The following INIP variants were observed in gnomAD, a reference collection of about 807,000 sequenced individuals.
The protein encoded by INIP is INTS3 and NABP interacting protein.
Under a neutral mutation model 14.0 loss-of-function variants are expected in INIP, and 9 were observed. The observed-to-expected ratio is 0.64, with a 90% CI of 0.39 to 1.12. INIP has a LOEUF of 1.12. INIP is among the 50% of genes most tolerant of loss of function. The pLI is 0.01. For synonymous variants in INIP, 37 were observed against 41.5 expected (o/e 0.89, Z 0.41); for missense variants, 78 against 122.7 (o/e 0.64, Z 1.72).
At chr9:112,709,340 C>T (rs978828894) in intron 2 of INIP, among the ~76,000 whole-genome samples, 3 of 152,052 alleles carry the variant, frequency 2.0e-5, no homozygotes, top group African/African-American at 7.2e-5. Context: ...TCAGATCTAT[C>T]ATCAGAATGT....
intron 3 of INIP, among the ~76,000 whole-genome samples, chr9:112,690,510 A>G (rs912442316): frequency 6.6e-6 from 1 of 152,114 alleles, no homozygotes; most frequent in African/African-American, 2.4e-5. Flanking sequence ...CAGAAAGACC[A>G]CTATTGCACT....
At chr9:112,706,113 T>C (rs1207748990) in intron 2 of INIP, among the ~76,000 whole-genome samples, 2 of 152,196 alleles carry the variant, frequency 1.3e-5, no homozygotes, top group Non-Finnish European at 1.5e-5. Context: ...CTCAATGCCA[T>C]TGATCATTAG....
intron 3 of INIP, among the ~76,000 whole-genome samples, chr9:112,690,378 G>A (rs997407290): frequency 4.6e-5 from 7 of 152,126 alleles, no homozygotes; most frequent in African/African-American, 9.7e-5. Context: ...TTCCAGCTAC[G>A]TGGGAGGCTG....
rs1417271725 is a variant in INIP at position 112,715,127 on chromosome 9, CATACAT to C, written c.25+1328_25+1333del. Among the ~76,000 whole-genome samples, 272 of 127,694 alleles carry C rather than the reference CATACAT, an allele frequency of 2.1e-3. 1 individual carries two copies. Among genetic ancestry groups the C allele is most frequent in the African/African-American group, 7.4e-3 (242 of 32,592 alleles). 83.8% of individuals were successfully genotyped at this position (127,694 alleles called of 152,430 possible). A position where few individuals can be genotyped will look rare whatever the true frequency, so the allele number is the denominator to read the frequency against. On this transcript the variant is annotated intron_variant, in intron 2 of 4. Coordinates refer to ENST00000374242, the MANE Select transcript of INIP (RefSeq NM_021218.3). The stretch of plus-strand genomic sequence containing the variant: ...AGATCTTAAAATACACACATACATA[CATACAT>C]ACACACACACACACACACACACACA...
intron 2 of INIP, among the ~76,000 whole-genome samples, chr9:112,705,547 G>C (rs1838433130): frequency 6.6e-6 from 1 of 152,144 alleles, no homozygotes; most frequent in African/African-American, 2.4e-5. Context: ...CTGGGCTCAA[G>C]TGATTCTCCC....
chr9:112,693,912 T>C (rs1837981011), intron 3 of INIP: 2 of 336,954 alleles, frequency 5.9e-6, no homozygotes, highest in Non-Finnish European at 1.1e-5. Context: ...CCATCTCTAC[T>C]AAAAATACAA....
chr9:112,687,233 A>T lies in INIP; in HGVS notation c.*305T>A, dbSNP rs1837706295. 1 of 219,746 alleles carries T rather than the reference A, an allele frequency of 4.6e-6. No individual in the cohort carries two copies. Among genetic ancestry groups the T allele is most frequent in the Non-Finnish European group, 9.0e-6 (1 of 111,100 alleles). The allele number at this position is 219,746 out of a possible 1,614,324, so 13.6% of individuals were successfully genotyped here. ...CTGTGGACATGATATATTCAGTCAA[A>T]CTTGCTAGGAGTTGGGGAATGACTT... On this transcript the variant is annotated 3_prime_UTR_variant, in exon 5 of 5. Coordinates refer to ENST00000374242, the MANE Select transcript of INIP (RefSeq NM_021218.3).
At chr9:112,687,879 A>T (rs1422022185) in intron 4 of INIP, among the ~76,000 whole-genome samples, 1 of 152,046 alleles carries the variant, frequency 6.6e-6, no homozygotes, top group East Asian at 1.9e-4. Context: ...AGGTCAGGAG[A>T]TCGAGACCAT....
intron 2 of INIP, among the ~76,000 whole-genome samples, chr9:112,696,975 T>C (rs1252135414): frequency 6.6e-6 from 1 of 152,152 alleles, no homozygotes; most frequent in Non-Finnish European, 1.5e-5. Flanking sequence ...CTCCATTACA[T>C]AGGCATGATT....
At chr9:112,690,583 T>C (rs1837849415) in intron 3 of INIP, among the ~76,000 whole-genome samples, 1 of 152,262 alleles carries the variant, frequency 6.6e-6, no homozygotes, top group Non-Finnish European at 1.5e-5. Flanking sequence ...TCCTTGCTGA[T>C]GGAACCCAAA....
At chr9:112,691,266 G>A (rs958067823) in intron 3 of INIP, among the ~76,000 whole-genome samples, 1 of 152,220 alleles carries the variant, frequency 6.6e-6, no homozygotes, top group African/African-American at 2.4e-5. Flanking sequence ...GGAGATGAAA[G>A]TGAAAGGAAT....
intron 3 of INIP, 98 bp from the exon 4 acceptor site, chr9:112,689,715 T>C: frequency 3.6e-6 from 3 of 844,480 alleles, no homozygotes; most frequent in South Asian, 3.0e-5. Flanking sequence ...TAAATTGAGG[T>C]ATCCTTGACA....
At chr9:112,716,816 G>A (rs1190410323) in intron 1 of INIP, among the ~76,000 whole-genome samples, 1 of 151,932 alleles carries the variant, frequency 6.6e-6, no homozygotes, top group Non-Finnish European at 1.5e-5. Context: ...TCAGCCGGGT[G>A]TGGTGGCAAG....
rs1371412975 is a variant in INIP, at chr9:112,715,121, TACATACATACATAC to T, written c.25+1326_25+1339del. On this transcript the variant is annotated intron_variant, in intron 2 of 4. Coordinates refer to ENST00000374242, the MANE Select transcript of INIP (RefSeq NM_021218.3). ...CAATTGAGATCTTAAAATACACACA[TACATACATACATAC>T]ACACACACACACACACACACACACA... Among the ~76,000 whole-genome samples, 166 of 106,914 alleles carry T rather than the reference TACATACATACATAC, an allele frequency of 1.6e-3. 1 individual carries two copies. The highest frequency in any genetic ancestry group is 6.0e-3 in the African/African-American group (160 of 26,666). The allele number at this position is 106,914 out of a possible 152,430, so 70.1% of individuals were successfully genotyped here. A position where few individuals can be genotyped will look rare whatever the true frequency, so the allele number is the denominator to read the frequency against.
intron 4 of INIP, 23 bp from the exon 5 acceptor site, chr9:112,687,656 A>G: frequency 1.4e-6 from 2 of 1,398,680 alleles, no homozygotes; most frequent in Non-Finnish European, 2.0e-6. Context: ...AAAAACAAAA[A>G]GGCAATTAAG....
At chr9:112,705,604 C>A (rs1226184461) in intron 2 of INIP, among the ~76,000 whole-genome samples, 3 of 152,180 alleles carry the variant, frequency 2.0e-5, no homozygotes, top group African/African-American at 7.2e-5. Flanking sequence ...AGCCACCACA[C>A]CCAGCCTAAA....
chr9:112,714,425 T>C (rs1278952559), intron 2 of INIP, among the ~76,000 whole-genome samples: 2 of 152,226 alleles, frequency 1.3e-5, no homozygotes, highest in African/African-American at 4.8e-5. Flanking sequence ...TTCAATACTT[T>C]ATAGAGAGTA....
intron 3 of INIP, among the ~76,000 whole-genome samples, chr9:112,691,490 AG>A (rs1310928172): frequency 1.3e-5 from 2 of 152,190 alleles, no homozygotes; most frequent in Admixed American, 1.3e-4. Flanking sequence ...AGGACAGACT[AG>A]AGCTGCAAAT....
intron 2 of INIP, among the ~76,000 whole-genome samples, chr9:112,708,165 A>G (rs1470419692): frequency 1.3e-5 from 2 of 152,256 alleles, no homozygotes; most frequent in Non-Finnish European, 2.9e-5. Flanking sequence ...AGCATTTATA[A>G]CAATCATTAT....
Sources: gnomAD v4.1 joint callset for allele counts (sites outside exome capture counted in the v4.1 genomes callset) on GRCh38, gnomAD v4.1.1 for gene constraint, MANE v1.5 for transcripts, NCBI Gene and HGNC (gene_info 2026-07-23, HGNC 2026-07-21) for gene names.